Variants in RTN4 observed in about 807,000 individuals in gnomAD.
RTN4 encodes the protein reticulon-4.
A neutral mutation model predicts 90.4 loss-of-function variants in RTN4; 32 were observed. The ratio of observed to expected loss-of-function variants is 0.35; its 90% CI spans 0.27 to 0.48. RTN4 has a LOEUF of 0.48. Among genes scored for constraint, RTN4 ranks in the 20% least tolerant of loss-of-function variants. The pLI is 0.99. For synonymous variants in RTN4, 629 were observed against 552.5 expected (o/e 1.14, Z -1.94); for missense variants, 1,706 against 1,430.2 (o/e 1.19, Z -3.11).
intron 2 of RTN4, among the ~76,000 whole-genome samples, chr2:55,074,516 CCAA>C (rs1668567464): frequency 9.0e-6 from 1 of 110,570 alleles, no homozygotes. Context: ...GCTGCCCTCA[CCAA>C]AAAAAAAAAA....
chr2:55,008,509 C>T (rs575908644), intron 3 of RTN4, among the ~76,000 whole-genome samples: 72 of 152,176 alleles, frequency 4.7e-4, no homozygotes, highest in African/African-American at 1.1e-3. Flanking sequence ...CAAAGTTAAT[C>T]TTACCGACCA....
intron 4 of RTN4, among the ~76,000 whole-genome samples, chr2:54,985,611 T>C (rs939400870): frequency 1.3e-5 from 2 of 152,178 alleles, no homozygotes; most frequent in African/African-American, 4.8e-5. Flanking sequence ...GTTAGACACA[T>C]AGGAGCTATT....
At chr2:54,990,949 AT>A (rs1222499203) in intron 3 of RTN4, among the ~76,000 whole-genome samples, 1 of 151,272 alleles carries the variant, frequency 6.6e-6, no homozygotes, top group African/African-American at 2.4e-5. Flanking sequence ...TGCCCGGCTG[AT>A]TTTTTGTTTT....
intron 2 of RTN4, among the ~76,000 whole-genome samples, chr2:55,058,856 T>C (rs1353082541): frequency 7.3e-6 from 1 of 136,060 alleles, no homozygotes; most frequent in Non-Finnish European, 1.6e-5. Context: ...TTTGGCTTTC[T>C]TTTTTGATAA....
intron 1 of RTN4, among the ~76,000 whole-genome samples, chr2:55,036,599 C>CAAAAAA (rs71410411): frequency 9.6e-5 from 7 of 72,970 alleles, no homozygotes; most frequent in Non-Finnish European, 1.3e-4. Flanking sequence ...AAGACTGTCT[C>CAAAAAA]AAAAAAAAAA....
intron 3 of RTN4, among the ~76,000 whole-genome samples, chr2:55,007,946 A>G (rs986233849): frequency 6.6e-5 from 10 of 152,052 alleles, no homozygotes; most frequent in African/African-American, 2.2e-4. Context: ...ATTCCTTCCT[A>G]TTTTAAGCTC....
chr2:55,010,062 A>G lies in RTN4; in HGVS notation c.3013+15024T>C, dbSNP rs377257271. On this transcript the variant is annotated intron_variant, in intron 3 of 8. Transcript: ENST00000337526. ...ATTAGTGGTCACATATAAAAACTGA[A>G]TAAGAAATTAAAAAGCAGATATACC... 29 of 1,611,270 alleles carry G rather than the reference A, an allele frequency of 1.8e-5. No homozygotes were observed. In the Admixed American group the frequency reaches 2.0e-4, roughly 11 times the overall value.
At chr2:55,020,381 C>T (rs1681336463) in intron 3 of RTN4, among the ~76,000 whole-genome samples, 2 of 151,424 alleles carry the variant, frequency 1.3e-5, no homozygotes, top group South Asian at 4.2e-4. Context: ...AACAGATAAC[C>T]CAGAAATTAA....
intron 2 of RTN4, among the ~76,000 whole-genome samples, chr2:55,079,215 G>C (rs1215524055): frequency 6.6e-6 from 1 of 152,208 alleles, no homozygotes; most frequent in African/African-American, 2.4e-5. Flanking sequence ...GGGAGATGAT[G>C]GGGGAAACCA....
chr2:55,114,236 T>A (rs1338902035), upstream of RTN4, among the ~76,000 whole-genome samples: 1 of 152,222 alleles, frequency 6.6e-6, no homozygotes, highest in Non-Finnish European at 1.5e-5. Context: ...GTGCACCATT[T>A]GCACCAAGTG....
At chr2:55,102,846 C>A (rs964201644) in intron 1 of RTN4, among the ~76,000 whole-genome samples, 1 of 152,066 alleles carries the variant, frequency 6.6e-6, no homozygotes, top group Admixed American at 6.6e-5. Context: ...TGGCCGGGTG[C>A]GGTGGCTCAC....
the RTN4 span, among the ~76,000 whole-genome samples, chr2:55,122,960 T>TC: frequency 6.6e-6 from 1 of 152,242 alleles, no homozygotes; most frequent in African/African-American, 2.4e-5. Context: ...CAATAAAGCA[T>TC]ATCAATCAGA....
chr2:55,015,731 T>C (rs950553993), intron 3 of RTN4, among the ~76,000 whole-genome samples: 5 of 152,192 alleles, frequency 3.3e-5, no homozygotes, highest in East Asian at 3.8e-4. Context: ...GAACGAGTCA[T>C]AGTAGATAAC....
At chr2:55,009,656 A>T (rs1680489731) in intron 3 of RTN4, among the ~76,000 whole-genome samples, 1 of 152,238 alleles carries the variant, frequency 6.6e-6, no homozygotes, top group Non-Finnish European at 1.5e-5. Flanking sequence ...GCTTACTGCA[A>T]ACACAATATC....
At chr2:55,035,408 T>C (rs1682606700) in intron 1 of RTN4, among the ~76,000 whole-genome samples, 3 of 149,830 alleles carry the variant, frequency 2.0e-5, no homozygotes, top group South Asian at 2.1e-4. Flanking sequence ...TCAAAGAAAA[T>C]AGGGGGAAAA....
the RTN4 span, among the ~76,000 whole-genome samples, chr2:55,118,111 T>C: frequency 1.3e-5 from 2 of 152,294 alleles, no homozygotes; most frequent in South Asian, 4.1e-4. Flanking sequence ...ATGTTGCTGA[T>C]GCTGCCACAC....
At chr2:55,092,082 T>G (rs1668948910) in intron 1 of RTN4, among the ~76,000 whole-genome samples, 1 of 151,894 alleles carries the variant, frequency 6.6e-6, no homozygotes, top group Non-Finnish European at 1.5e-5. Flanking sequence ...CTCAGCTACC[T>G]GGGAGGTTGA....
At chr2:55,126,018 G>A in the RTN4 span, among the ~76,000 whole-genome samples, 4 of 138,998 alleles carry the variant, frequency 2.9e-5, no homozygotes, top group South Asian at 2.3e-4. Flanking sequence ...CCGAGATCAC[G>A]CCACTGCACT....
intron 3 of RTN4, among the ~76,000 whole-genome samples, chr2:54,993,284 G>A (rs1679170275): frequency 6.6e-6 from 1 of 151,986 alleles, no homozygotes; most frequent in Non-Finnish European, 1.5e-5. Flanking sequence ...ACCCCATTCT[G>A]TTTCTATTCG....
Sources: allele counts gnomAD v4.1 joint callset (sites outside exome capture counted in the v4.1 genomes callset), GRCh38; gene constraint gnomAD v4.1.1; transcripts MANE v1.5; gene names NCBI Gene and HGNC (gene_info 2026-07-23, HGNC 2026-07-21).